The following DLG2 variants were observed in gnomAD, a reference collection of about 807,000 sequenced individuals.
DLG2 encodes the protein discs large MAGUK scaffold protein 2.
A neutral mutation model predicts 132.5 loss-of-function variants in DLG2; 45 were observed. The ratio of observed to expected loss-of-function variants is 0.34; its 90% CI spans 0.27 to 0.44. The LOEUF (loss-of-function observed/expected upper bound fraction) is 0.44, where lower values mean the gene tolerates loss of function less well. DLG2 is among the 20% of genes least tolerant of loss of function. DLG2 has a pLI of 1.00. For synonymous variants in DLG2, 424 were observed against 419.6 expected, an observed-to-expected ratio of 1.01 and a Z score of -0.13; for missense variants, 1,045 against 1,196.9, an observed-to-expected ratio of 0.87 and a Z score of 1.87.
intron 15 of DLG2, among the ~76,000 whole-genome samples, chr11:83,900,635 G>T (rs1167916012): frequency 6.6e-6 from 1 of 152,212 alleles, no homozygotes; most frequent in Non-Finnish European, 1.5e-5. Context: ...AAGAATTGAG[G>T]ATTTGGAACC....
intron 6 of DLG2, among the ~76,000 whole-genome samples, chr11:84,797,698 T>A (rs1361620458): frequency 6.6e-6 from 1 of 152,220 alleles, no homozygotes; most frequent in Non-Finnish European, 1.5e-5. Flanking sequence ...GTTACATATT[T>A]TTGTCACTCT....
chr11:83,708,591 A>G (rs1470818586), intron 18 of DLG2, among the ~76,000 whole-genome samples: 2 of 152,192 alleles, frequency 1.3e-5, no homozygotes, highest in Non-Finnish European at 2.9e-5. Flanking sequence ...ATTTCGTATC[A>G]CTTGTGTTTT....
intron 6 of DLG2, among the ~76,000 whole-genome samples, chr11:84,710,819 C>T (rs1176983297): frequency 6.6e-6 from 1 of 151,414 alleles, no homozygotes; most frequent in Non-Finnish European, 1.5e-5. Context: ...CACATACACA[C>T]ACACAAATGG....
intron 18 of DLG2, among the ~76,000 whole-genome samples, chr11:83,781,676 T>C (rs1373935812): frequency 6.6e-6 from 1 of 152,196 alleles, no homozygotes; most frequent in African/African-American, 2.4e-5. Context: ...TCCTGAGAAG[T>C]CATATTCAAG....
chr11:83,466,657 A>T (rs1458547092), intron 26 of DLG2, 51 bp downstream of exon 26: 1 of 1,054,516 alleles, frequency 9.5e-7, no homozygotes, highest in Admixed American at 1.7e-5. Flanking sequence ...TTTCAGTATA[A>T]TACAGAACAG....
At chr11:84,071,586 C>A (rs1409714680) in intron 10 of DLG2, among the ~76,000 whole-genome samples, 1 of 152,120 alleles carries the variant, frequency 6.6e-6, no homozygotes, top group African/African-American at 2.4e-5. Flanking sequence ...CCCTTATTGT[C>A]AATCACCTAG....
intron 9 of DLG2, among the ~76,000 whole-genome samples, chr11:84,136,656 C>A (rs1945821): frequency 6.6e-6 from 1 of 151,958 alleles, no homozygotes; most frequent in African/African-American, 2.4e-5. Flanking sequence ...GATTTTTAAA[C>A]AAAATATGAC....
At chr11:83,717,405 G>C (rs1398811734) in intron 18 of DLG2, among the ~76,000 whole-genome samples, 2 of 152,216 alleles carry the variant, frequency 1.3e-5, no homozygotes, top group African/African-American at 2.4e-5. Context: ...TCTGTCTGGA[G>C]ATTAATGAAT....
At chr11:85,470,232 T>A (rs1297930778) in intron 3 of DLG2, among the ~76,000 whole-genome samples, 25 of 129,978 alleles carry the variant, frequency 1.9e-4, no homozygotes, top group Admixed American at 4.6e-4. Flanking sequence ...TTAATAAAAA[T>A]CCCCCCAATC....
At chr11:84,270,985 C>T (rs2097714109) in intron 7 of DLG2, among the ~76,000 whole-genome samples, 1 of 152,020 alleles carries the variant, frequency 6.6e-6, no homozygotes, top group Non-Finnish European at 1.5e-5. Context: ...AGTACAAATT[C>T]CATACAAGTG....
At chr11:83,794,437 G>GTT (rs200672667) in intron 17 of DLG2, among the ~76,000 whole-genome samples, 4 of 127,468 alleles carry the variant, frequency 3.1e-5, no homozygotes, top group South Asian at 2.4e-4. Flanking sequence ...TTTACTATTG[G>GTT]TTTTTTTTTT....
intron 18 of DLG2, among the ~76,000 whole-genome samples, chr11:83,638,644 G>T (rs961153756): frequency 3.3e-5 from 5 of 152,026 alleles, no homozygotes; most frequent in Admixed American, 2.0e-4. Flanking sequence ...TACTTGTTAT[G>T]AATTGATGTC....
rs1790661923 is a variant in DLG2, at chr11:83,459,933, A to G, written c.2822-9T>C. ...ATCTCCTTGGACAATAGCTGTAACA[A>G]AAGCAAACACACCCAGAATTAGAAA... On this transcript the variant is annotated splice_polypyrimidine_tract_variant and intron_variant, in intron 27 of 27. Transcript: ENST00000376104. 1 of 1,426,626 alleles carries G rather than the reference A, an allele frequency of 7.0e-7. No homozygotes were observed. Among genetic ancestry groups the G allele is most frequent in the Admixed American group, 1.7e-5 (1 of 58,630 alleles). 88.4% of individuals were successfully genotyped at this position (1,426,626 alleles called of 1,614,324 possible). A position where few individuals can be genotyped will look rare whatever the true frequency, so the allele number is the denominator to read the frequency against.
chr11:85,432,828 A>T (rs183547027), intron 3 of DLG2, among the ~76,000 whole-genome samples: 3 of 152,146 alleles, frequency 2.0e-5, no homozygotes, highest in Admixed American at 1.3e-4. Context: ...ACTGACTAAG[A>T]TACTCCACGA....
At chr11:85,117,770 A>T (rs1316399923) in intron 5 of DLG2, among the ~76,000 whole-genome samples, 2 of 152,100 alleles carry the variant, frequency 1.3e-5, no homozygotes, top group Non-Finnish European at 1.5e-5. Context: ...GAATGTGTTC[A>T]GAATTTTGAC....
chr11:84,734,383 T>C (rs1228015014), intron 6 of DLG2, among the ~76,000 whole-genome samples: 1 of 152,210 alleles, frequency 6.6e-6, no homozygotes, highest in Non-Finnish European at 1.5e-5. Flanking sequence ...CCTAGGTATT[T>C]TACTCTCTTT....
intron 10 of DLG2, among the ~76,000 whole-genome samples, chr11:84,064,821 A>G (rs1227135352): frequency 1.3e-5 from 2 of 152,164 alleles, no homozygotes; most frequent in Non-Finnish European, 2.9e-5. Flanking sequence ...TTCAGGAAGA[A>G]AAATATAAAA....
intron 23 of DLG2, among the ~76,000 whole-genome samples, chr11:83,472,410 G>T (rs1375886518): frequency 6.6e-6 from 1 of 152,134 alleles, no homozygotes; most frequent in Non-Finnish European, 1.5e-5. Flanking sequence ...TCTCTCAGGA[G>T]AATTTATTCA....
chr11:85,448,753 C>T (rs1383615584), intron 3 of DLG2, among the ~76,000 whole-genome samples: 1 of 152,140 alleles, frequency 6.6e-6, no homozygotes, highest in Non-Finnish European at 1.5e-5. Context: ...CAACATCTAT[C>T]TTATCTTTAT....
Sources: gnomAD v4.1 joint callset for allele counts (sites outside exome capture counted in the v4.1 genomes callset) on GRCh38, gnomAD v4.1.1 for gene constraint, MANE v1.5 for transcripts, NCBI Gene and HGNC (gene_info 2026-07-23, HGNC 2026-07-21) for gene names.